ANKRD55: variants seen among roughly 807,000 people sequenced by gnomAD.
ANKRD55 encodes ankyrin repeat domain 55.
In ANKRD55, 41 loss-of-function variants were observed where a neutral mutation model predicts 60.6. The observed-to-expected ratio is 0.68, with a 90% CI of 0.53 to 0.88. ANKRD55 has a LOEUF of 0.88. Among genes scored for constraint, ANKRD55 ranks in the 40% least tolerant of loss-of-function variants. ANKRD55 has a pLI of 0.00. For missense variants in ANKRD55, 732 were observed against 767.6 expected (o/e 0.95, Z 0.55); for synonymous variants, 264 against 290.3 (o/e 0.91, Z 0.92).
At chr5:56,168,563 G>A (rs994101951) in intron 5 of ANKRD55, among the ~76,000 whole-genome samples, 8 of 152,238 alleles carry the variant, frequency 5.3e-5, no homozygotes, top group South Asian at 4.1e-4. Flanking sequence ...CTCTTACTGC[G>A]CCTAATTTGT....
intron 2 of ANKRD55, among the ~76,000 whole-genome samples, chr5:56,215,784 T>C (rs1290437262): frequency 6.6e-6 from 1 of 152,164 alleles, no homozygotes; most frequent in African/African-American, 2.4e-5. Flanking sequence ...TTAAGTGAGA[T>C]AATAGGAAGA....
chr5:56,231,581 C>G (rs1253282130), intron 2 of ANKRD55, among the ~76,000 whole-genome samples: 4 of 151,868 alleles, frequency 2.6e-5, no homozygotes, highest in Non-Finnish European at 5.9e-5. Flanking sequence ...GTGGTGGGCA[C>G]AGCTGTGACA....
chr5:56,186,807 C>G (rs1758985426), intron 2 of ANKRD55, among the ~76,000 whole-genome samples: 1 of 152,142 alleles, frequency 6.6e-6, no homozygotes, highest in Non-Finnish European at 1.5e-5. Flanking sequence ...TATTTGGGCA[C>G]AAGAAATAGG....
rs1302617070 is a variant in ANKRD55 at position 56,134,128 on chromosome 5, C to A, written c.613-7022G>T. Among the ~76,000 whole-genome samples, 2 of 114,244 alleles carry A rather than the reference C, an allele frequency of 1.8e-5. 1 individual carries two copies. Among genetic ancestry groups the A allele is most frequent in the Non-Finnish European group, 4.1e-5 (2 of 48,312 alleles). 74.9% of individuals were successfully genotyped at this position (114,244 alleles called of 152,430 possible). On this transcript the variant is annotated intron_variant, in intron 7 of 11. Transcript: ENST00000341048. ...GAAAAAAGGTACTTCACTACAGATC[C>A]CATGGACATTAAAAGAATGATGAAG...
chr5:56,220,527 G>A (rs1296717358), intron 2 of ANKRD55, among the ~76,000 whole-genome samples: 1 of 152,182 alleles, frequency 6.6e-6, no homozygotes, highest in African/African-American at 2.4e-5. Flanking sequence ...CAAGAAAACT[G>A]AAAGAGGCGG....
In ANKRD55 at chr5:56,111,318, T is replaced by G; in HGVS notation, c.1430A>C (p.Gln477Pro). 1 of 1,614,166 alleles carries G rather than the reference T, an allele frequency of 6.2e-7. No individual in the cohort carries two copies. The highest frequency in any genetic ancestry group is 8.5e-7 in the Non-Finnish European group (1 of 1,180,032). Residue 477 changes from glutamine to proline, a missense_variant, in exon 10 of 12, where the codon CAG (glutamine) becomes CCG (proline). Transcript: ENST00000341048. The stretch of plus-strand genomic sequence containing the variant: ...GCCAGTTCTGTTATTTAATAAATCC[T>G]GCTCACTTCGACTTTTCTGAGATCG... The part of the protein sequence containing the change: ...AQRSQKSRSE[Q>P]DLLNNRTGCQ...
chr5:56,138,242 C>A (rs1007242144), intron 7 of ANKRD55, among the ~76,000 whole-genome samples: 1 of 151,776 alleles, frequency 6.6e-6, no homozygotes, highest in Non-Finnish European at 1.5e-5. Context: ...ATTCTCCTGC[C>A]TCAGCCTCCC....
intron 1 of ANKRD55, 73 bp from the exon 2 acceptor site, chr5:56,233,019 C>A: frequency 9.4e-7 from 1 of 1,059,814 alleles, no homozygotes. Flanking sequence ...TTTGCCAAGA[C>A]CTCTGTTTCA....
intron 5 of ANKRD55, among the ~76,000 whole-genome samples, chr5:56,169,045 T>G (rs1758548564): frequency 6.6e-6 from 1 of 152,144 alleles, no homozygotes; most frequent in African/African-American, 2.4e-5. Context: ...TTAGTACAGG[T>G]GGGGTTTTGC....
intron 5 of ANKRD55, among the ~76,000 whole-genome samples, chr5:56,163,934 A>G (rs1300931977): frequency 6.6e-6 from 1 of 152,124 alleles, no homozygotes; most frequent in Admixed American, 6.5e-5. Context: ...TGTAATAGAA[A>G]TAGAAAAATT....
At chr5:56,166,873 G>A (rs1580996578) in intron 5 of ANKRD55, among the ~76,000 whole-genome samples, 1 of 152,192 alleles carries the variant, frequency 6.6e-6, no homozygotes, top group East Asian at 1.9e-4. Flanking sequence ...AGGTGCTAAT[G>A]AATCATGAGC....
intron 4 of ANKRD55, among the ~76,000 whole-genome samples, chr5:56,175,812 T>A (rs1758724438): frequency 6.6e-6 from 1 of 152,134 alleles, no homozygotes; most frequent in African/African-American, 2.4e-5. Context: ...ATTCCCACCC[T>A]GTTGGGGTTA....
At chr5:56,119,146 T>C (rs1258297542) in intron 8 of ANKRD55, among the ~76,000 whole-genome samples, 1 of 152,166 alleles carries the variant, frequency 6.6e-6, no homozygotes, top group African/African-American at 2.4e-5. Context: ...ATCATAATTG[T>C]CAAAAACTGG....
chr5:56,166,378 C>T (rs1368033049), intron 5 of ANKRD55, among the ~76,000 whole-genome samples: 3 of 151,740 alleles, frequency 2.0e-5, no homozygotes, highest in Non-Finnish European at 4.4e-5. Flanking sequence ...CAGTCTCAGC[C>T]TCCTGAATAG....
At chr5:56,157,951 G>C (rs1001133553) in intron 6 of ANKRD55, among the ~76,000 whole-genome samples, 1 of 152,026 alleles carries the variant, frequency 6.6e-6, no homozygotes, top group African/African-American at 2.4e-5. Context: ...GGTATGGAGG[G>C]GCAGGCCACC....
chr5:56,109,174 C>T (rs2111669276), intron 10 of ANKRD55, among the ~76,000 whole-genome samples: 1 of 152,144 alleles, frequency 6.6e-6, no homozygotes, highest in South Asian at 2.1e-4. Context: ...TATTTTTTCT[C>T]TTAATCCTAC....
intron 2 of ANKRD55, among the ~76,000 whole-genome samples, chr5:56,212,088 A>ACG (rs1436626429): frequency 1.6e-4 from 13 of 80,734 alleles, no homozygotes; most frequent in Middle Eastern, 6.2e-3. Context: ...ACACACACAC[A>ACG]CGCGTACCTA....
At chr5:56,209,203 C>T (rs924668293) in intron 2 of ANKRD55, among the ~76,000 whole-genome samples, 1 of 152,062 alleles carries the variant, frequency 6.6e-6, no homozygotes, top group Non-Finnish European at 1.5e-5. Context: ...GTGATCTACC[C>T]CCCTCGGCCT....
intron 5 of ANKRD55, among the ~76,000 whole-genome samples, chr5:56,165,158 A>G (rs1758417702): frequency 6.6e-6 from 1 of 152,242 alleles, no homozygotes; most frequent in Admixed American, 6.5e-5. Context: ...AAACCTGAGC[A>G]CAAGGGCACT....
Sources: gnomAD v4.1 joint callset for allele counts (sites outside exome capture counted in the v4.1 genomes callset) on GRCh38, gnomAD v4.1.1 for gene constraint, MANE v1.5 for transcripts, NCBI Gene and HGNC (gene_info 2026-07-23, HGNC 2026-07-21) for gene names.